LRRC20: variants seen among roughly 807,000 people sequenced by gnomAD.
LRRC20 encodes leucine-rich repeat-containing protein 20.
LRRC20 carries 11 observed loss-of-function variants against 14.4 expected under a neutral mutation model. The observed-to-expected ratio is 0.77, with a 90% CI of 0.48 to 1.27. The LOEUF (loss-of-function observed/expected upper bound fraction) is 1.27, where lower values mean the gene tolerates loss of function less well. LRRC20 is among the 50% of genes most tolerant of loss of function. LRRC20 has a pLI of 0.00. For missense variants in LRRC20, 219 were observed against 251.2 expected, an observed-to-expected ratio of 0.87 and a Z score of 0.87; for synonymous variants, 121 against 107.3, an observed-to-expected ratio of 1.13 and a Z score of -0.79.
intron 4 of LRRC20, among the ~76,000 whole-genome samples, chr10:70,304,470 T>TTATCTATATA (rs1293891046): frequency 2.6e-5 from 3 of 113,826 alleles, no homozygotes; most frequent in African/African-American, 9.0e-5. Flanking sequence ...GGCCACTTCT[T>TTATCTATATA]TATATATATA....
At chr10:70,357,512 T>C (rs557461467) in intron 2 of LRRC20, among the ~76,000 whole-genome samples, 356 of 152,306 alleles carry the variant, frequency 2.3e-3, no homozygotes, top group Non-Finnish European at 3.7e-3. Context: ...GCAAAAGTAT[T>C]ACTTTTATTT....
chr10:70,324,208 T>TC (rs1011893651), intron 3 of LRRC20, among the ~76,000 whole-genome samples, 178 bp from the exon 4 acceptor site: 4 of 152,024 alleles, frequency 2.6e-5, no homozygotes, highest in African/African-American at 9.7e-5. Flanking sequence ...AGAGGAGGGG[T>TC]CACCCTCCTA....
chr10:70,313,774 A>G (rs911087033), intron 4 of LRRC20, among the ~76,000 whole-genome samples: 11 of 152,200 alleles, frequency 7.2e-5, no homozygotes, highest in Non-Finnish European at 1.6e-4. Context: ...AACCTCCCCA[A>G]CTGCTCCTAC....
At position 70,362,260 on chromosome 10, in the gene LRRC20, T is replaced by C. The variant is rs530152801; in HGVS notation, c.82+14192A>G. 1.5e-3 allele frequency among the ~76,000 whole-genome samples: 232 copies of C among 152,224 alleles called. 1 individual carries two copies. Among genetic ancestry groups the C allele is most frequent in the African/African-American group, 5.2e-3 (216 of 41,524 alleles). ...GACACGTGAAGAACAGGGAAGAGCA[T>C]CCCAGGCAAAGGGAACAGTATGTGC... On this transcript the variant is annotated intron_variant, in intron 2 of 4. Transcript: ENST00000446961.
At chr10:70,317,339 C>T (rs1296039154) in intron 4 of LRRC20, among the ~76,000 whole-genome samples, 1 of 151,948 alleles carries the variant, frequency 6.6e-6, no homozygotes, top group African/African-American at 2.4e-5. Flanking sequence ...GGGAGTCTCC[C>T]TTTCTTTTTT....
At chr10:70,350,852 CG>C (rs1325241679) in intron 2 of LRRC20, among the ~76,000 whole-genome samples, 5 of 152,112 alleles carry the variant, frequency 3.3e-5, no homozygotes, top group Non-Finnish European at 7.4e-5. Flanking sequence ...GTTAGGAGAC[CG>C]GGGGTCCTTT....
intron 2 of LRRC20, among the ~76,000 whole-genome samples, chr10:70,355,400 T>A (rs1355548981): frequency 6.6e-6 from 1 of 152,074 alleles, no homozygotes; most frequent in East Asian, 1.9e-4. Flanking sequence ...CTGTTTCCTG[T>A]CTCATGCCCC....
chr10:70,343,203 A>G (rs919133715), intron 2 of LRRC20, among the ~76,000 whole-genome samples: 3 of 151,954 alleles, frequency 2.0e-5, no homozygotes, highest in Non-Finnish European at 4.4e-5. Flanking sequence ...TGCGAACAAG[A>G]CCTCTTCACC....
rs182144526 is a variant in LRRC20, at chr10:70,359,976, G to T, written c.82+16476C>A. Among the ~76,000 whole-genome samples, 275 of 150,980 alleles carry T rather than the reference G, an allele frequency of 1.8e-3. 2 individuals carry two copies. Among genetic ancestry groups the T allele is most frequent in the African/African-American group, 6.4e-3 (262 of 41,042 alleles). On this transcript the variant is annotated intron_variant, in intron 2 of 4. Coordinates refer to ENST00000446961, the MANE Select transcript of LRRC20 (RefSeq NM_001278212.2). ...CTGTTGCCCAGGCTGGAGTGCAGTGGCGTGATCTCGGCTCACTGCAACCTC... is the reference window on the plus strand; with the variant it reads ...CTGTTGCCCAGGCTGGAGTGCAGTGTCGTGATCTCGGCTCACTGCAACCTC...
intron 4 of LRRC20, among the ~76,000 whole-genome samples, chr10:70,306,895 A>G (rs1841446731): frequency 6.6e-6 from 1 of 151,656 alleles, no homozygotes; most frequent in Non-Finnish European, 1.5e-5. Flanking sequence ...ATCAATATAG[A>G]CTCCTATGTT....
chr10:70,304,470 T>TTATATATATATATATATATA (rs57284629), intron 4 of LRRC20, among the ~76,000 whole-genome samples: 1,204 of 113,382 alleles, frequency 0.011, 18 homozygotes, highest in Non-Finnish European at 0.017. Flanking sequence ...GGCCACTTCT[T>TTATATATATATATATATATA]TATATATATA....
intron 2 of LRRC20, among the ~76,000 whole-genome samples, chr10:70,364,824 G>A (rs1363578174): frequency 2.0e-5 from 3 of 152,070 alleles, no homozygotes; most frequent in Non-Finnish European, 4.4e-5. Context: ...AGCTGCTCAG[G>A]TCCCTCCCCA....
At chr10:70,322,496 C>G (rs931642396) in intron 4 of LRRC20, among the ~76,000 whole-genome samples, 7 of 152,176 alleles carry the variant, frequency 4.6e-5, no homozygotes, top group Non-Finnish European at 1.0e-4. Flanking sequence ...GAGGGAGAGC[C>G]GCGCAGGCCA....
chr10:70,313,223 C>T (rs1589945444), intron 4 of LRRC20, among the ~76,000 whole-genome samples: 1 of 152,360 alleles, frequency 6.6e-6, no homozygotes, highest in South Asian at 2.1e-4. Flanking sequence ...CTGCACCCTC[C>T]TCCTTCCTTC....
At chr10:70,325,077 C>T (rs1589961365) in intron 3 of LRRC20, among the ~76,000 whole-genome samples, 1 of 152,202 alleles carries the variant, frequency 6.6e-6, no homozygotes, top group East Asian at 1.9e-4. Flanking sequence ...CTCTCCCCAC[C>T]CTGTCTGACC....
intron 2 of LRRC20, among the ~76,000 whole-genome samples, chr10:70,356,046 G>C (rs923414615): frequency 6.6e-6 from 1 of 152,236 alleles, no homozygotes; most frequent in Non-Finnish European, 1.5e-5. Context: ...ATCATACTCA[G>C]TCAGAATAAC....
intron 4 of LRRC20, among the ~76,000 whole-genome samples, chr10:70,322,902 C>T (rs1019553428): frequency 2.0e-5 from 3 of 151,882 alleles, no homozygotes; most frequent in African/African-American, 4.8e-5. Flanking sequence ...CAGATGGGCA[C>T]TCGCACCACA....
In LRRC20 at chr10:70,301,313, G is replaced by A. The variant is rs753471122; in HGVS notation, c.*41C>T. ...CCCTCCCTTCCAGGGTTCCAGGCCTGTGGCCTCTGCCCCTTGCTGGGTGGG... is the reference window on the plus strand; with the variant it reads ...CCCTCCCTTCCAGGGTTCCAGGCCTATGGCCTCTGCCCCTTGCTGGGTGGG... On this transcript the variant is annotated 3_prime_UTR_variant, in exon 5 of 5. Coordinates refer to ENST00000446961, the MANE Select transcript of LRRC20 (RefSeq NM_001278212.2). 8 of 1,591,650 alleles carry A rather than the reference G, an allele frequency of 5.0e-6. No individual in the cohort carries two copies. The highest frequency in any genetic ancestry group is 6.0e-6 in the Non-Finnish European group (7 of 1,169,156).
intron 2 of LRRC20, among the ~76,000 whole-genome samples, chr10:70,362,183 C>T (rs2137108734): frequency 6.6e-6 from 1 of 152,222 alleles, no homozygotes; most frequent in East Asian, 1.9e-4. Flanking sequence ...AAGACTCTGT[C>T]TCAGAAAAAA....
Sources: allele counts gnomAD v4.1 joint callset (sites outside exome capture counted in the v4.1 genomes callset), GRCh38; gene constraint gnomAD v4.1.1; transcripts MANE v1.5; gene names NCBI Gene and HGNC (gene_info 2026-07-23, HGNC 2026-07-21).